FMN2: variants seen among roughly 807,000 people sequenced by gnomAD.
FMN2 encodes the protein formin 2, also known as formin-2.
A neutral mutation model predicts 142.3 loss-of-function variants in FMN2; 51 were observed. The observed-to-expected ratio is 0.36, with a 90% CI of 0.29 to 0.45. The LOEUF (loss-of-function observed/expected upper bound fraction) is 0.45. Ranked by LOEUF, FMN2 falls within the 20% of genes least tolerant of loss-of-function variation. FMN2 has a pLI of 1.00. For synonymous variants in FMN2, 882 were observed against 869.8 expected, an observed-to-expected ratio of 1.01 and a Z score of -0.25; for missense variants, 1,936 against 2,122.8, an observed-to-expected ratio of 0.91 and a Z score of 1.73.
chr1:240,278,098 A>T (rs933389090), intron 7 of FMN2, among the ~76,000 whole-genome samples: 1 of 152,172 alleles, frequency 6.6e-6, no homozygotes, highest in Non-Finnish European at 1.5e-5. Flanking sequence ...CCCGATTCCT[A>T]TTACACTGTG....
chr1:240,150,768 G>T (rs537633988), intron 2 of FMN2, among the ~76,000 whole-genome samples: 6 of 152,234 alleles, frequency 3.9e-5, no homozygotes, highest in Admixed American at 3.9e-4. Context: ...TTTATAAAGA[G>T]ACTGGCCATA....
chr1:240,450,255 A>C (rs1254487971), intron 16 of FMN2, among the ~76,000 whole-genome samples: 3 of 152,210 alleles, frequency 2.0e-5, no homozygotes, highest in African/African-American at 4.8e-5. Flanking sequence ...TTCTAATTAT[A>C]ACTATAATTT....
intron 16 of FMN2, among the ~76,000 whole-genome samples, chr1:240,463,226 G>A (rs1161935328): frequency 6.6e-6 from 1 of 152,158 alleles, no homozygotes; most frequent in African/African-American, 2.4e-5. Context: ...GACGTGAGAA[G>A]GCTTGAAAAA....
In FMN2 at chr1:240,446,887, G is replaced by A. The variant is rs998229711; in HGVS notation, c.5060+8677G>A. ...CCACATTCACACACTCCTCCTGCTCGACTTTAGGATTTCAGCTTCACACAC... is the reference window on the plus strand; with the variant it reads ...CCACATTCACACACTCCTCCTGCTCAACTTTAGGATTTCAGCTTCACACAC... On this transcript the variant is annotated intron_variant, in intron 16 of 17. Transcript: ENST00000319653. 5.3e-5 allele frequency among the ~76,000 whole-genome samples: 8 copies of A among 152,130 alleles called. No homozygotes were observed. The South Asian group carries it at 1.2e-3, about 24-fold the overall frequency.
chr1:240,133,667 A>C (rs1662828350), intron 2 of FMN2, among the ~76,000 whole-genome samples: 2 of 151,780 alleles, frequency 1.3e-5, no homozygotes, highest in Admixed American at 6.6e-5. Flanking sequence ...CTCTGTGGGC[A>C]CCTCTACTTC....
intron 13 of FMN2, among the ~76,000 whole-genome samples, chr1:240,351,637 C>T (rs893572230): frequency 6.6e-6 from 1 of 152,138 alleles, no homozygotes; most frequent in African/African-American, 2.4e-5. Context: ...TTATAGCATG[C>T]ATTTTCTTAT....
Position 240,206,959 on chromosome 1 carries a change from C to T in FMN2, c.2147C>T (p.Thr716Ile). 1 of 1,614,158 alleles carries T rather than the reference C, an allele frequency of 6.2e-7. No homozygotes were observed. The highest frequency in any genetic ancestry group is 8.5e-7 in the Non-Finnish European group (1 of 1,180,026). The change falls in exon 5 of 18, where the codon ACA becomes ATA. Residue 716 changes from threonine to isoleucine, a missense_variant. Physicochemically the swap from Thr to Ile is moderately conservative, Grantham distance 89. Transcript: ENST00000319653. ...CATCAAGGGCTTGAGAATGGAGTGACAGCCTCAGGCGATGTCTGTCTCGAA... is the reference window on the plus strand; with the variant it reads ...CATCAAGGGCTTGAGAATGGAGTGATAGCCTCAGGCGATGTCTGTCTCGAA... ...SGHQGLENGV[T>I]ASGDVCLEAL...
At chr1:240,167,461 G>GATGTAAAAA (rs1664526114) in intron 2 of FMN2, among the ~76,000 whole-genome samples, 1 of 152,088 alleles carries the variant, frequency 6.6e-6, no homozygotes, top group Non-Finnish European at 1.5e-5. Context: ...TTGTAAACAT[G>GATGTAAAAA]TCAGAGATCT....
intron 15 of FMN2, among the ~76,000 whole-genome samples, chr1:240,427,568 T>A (rs547493335): frequency 2.0e-5 from 3 of 152,230 alleles, no homozygotes; most frequent in Non-Finnish European, 4.4e-5. Flanking sequence ...CCAACCATTA[T>A]AAGTAGATGA....
Position 240,092,501 on chromosome 1 carries a change from C to G in FMN2, c.392C>G (p.Ser131Trp), listed in dbSNP as rs1661017729. 1.2e-6 allele frequency: 2 copies of G among 1,606,924 alleles called. No homozygotes were observed. The highest frequency in any genetic ancestry group is 1.7e-6 in the Non-Finnish European group (2 of 1,176,898). The change falls in exon 1 of 18, where the codon TCG becomes TGG. Residue 131 changes from serine (S) to tryptophan (W), a missense_variant. Ser to Trp is a radical substitution (Grantham distance 177, BLOSUM62 -3). Around this residue, in one of 8 missense-constraint regions of FMN2, gnomAD observed 751 missense variants for 791.8 expected, o/e 0.95. Coordinates refer to ENST00000319653, the MANE Select transcript of FMN2 (RefSeq NM_020066.5). The stretch of plus-strand genomic sequence containing the variant: ...CTCTCGGCGGACGAGGCCGGCCTGT[C>G]GGATACCGAGTGTGCGGACCCTTTT... The part of the protein sequence containing the change: ...LSLSADEAGL[S>W]DTECADPFEV...
At chr1:240,122,359 C>T (rs895010290) in intron 1 of FMN2, among the ~76,000 whole-genome samples, 2 of 152,054 alleles carry the variant, frequency 1.3e-5, no homozygotes, top group Non-Finnish European at 2.9e-5. Context: ...CGCCACCCAG[C>T]TTCAAGCTCC....
rs201302496 is a variant in FMN2, at chr1:240,207,938, C to T, written c.3126C>T (p.Pro1042=). The change falls in exon 5 of 18, where the codon CCC becomes CCT. Residue 1042 remains proline, a synonymous_variant. Coordinates refer to ENST00000319653, the MANE Select transcript of FMN2 (RefSeq NM_020066.5). ...CCCCACTTCCCGGAGCGGGCATACC[C>T]CCTCCGCCCCCACTTCCCGGAGCGG... ...PPPPLPGAGI[P]PPPPLPGAGI... The T allele has an allele frequency of 1.0e-5, 6 of 597,796 alleles. No individual in the cohort carries two copies. Among genetic ancestry groups the T allele is most frequent in the South Asian group, 2.4e-5 (1 of 42,368 alleles). The allele number at this position is 597,796 out of a possible 1,614,324, so 37.0% of individuals were successfully genotyped here. A position where few individuals can be genotyped will look rare whatever the true frequency, so the allele number is the denominator to read the frequency against.
chr1:240,451,275 C>G (rs539539206), intron 16 of FMN2, among the ~76,000 whole-genome samples: 1 of 151,002 alleles, frequency 6.6e-6, no homozygotes, highest in Non-Finnish European at 1.5e-5. Flanking sequence ...AGGGGAATCA[C>G]TTGAACCTGG....
intron 2 of FMN2, among the ~76,000 whole-genome samples, chr1:240,159,155 C>T (rs1021204630): frequency 6.6e-6 from 1 of 151,446 alleles, no homozygotes; most frequent in African/African-American, 2.4e-5. Context: ...GTTTGCTTGT[C>T]CAACTGCTAC....
At chr1:240,143,446 A>G (rs768568616) in intron 2 of FMN2, 39 of 1,471,292 alleles carry the variant, frequency 2.7e-5, no homozygotes, top group Non-Finnish European at 3.6e-5. Context: ...ATGTGCTCCC[A>G]TGTCAGCAGG....
chr1:240,093,570 G>A lies in FMN2; in HGVS notation c.1461G>A (p.Glu487=). 1 of 1,469,016 alleles carries A rather than the reference G, an allele frequency of 6.8e-7. No individual in the cohort carries two copies. The highest frequency in any genetic ancestry group is 1.4e-5 in the South Asian group (1 of 69,316). The allele number at this position is 1,469,016 out of a possible 1,614,324, so 91.0% of individuals were successfully genotyped here. Residue 487 remains glutamate, a synonymous_variant, in exon 1 of 18, where the codon GAG becomes GAA. Transcript: ENST00000319653. ...AGLSRSADWT[E]ELGARTPRVG... is the part of the protein sequence containing the mutation. ...TGAGCCGCTCGGCTGACTGGACGGA[G>A]GAGCTAGGCGCCCGCACGCCCCGGG...
intron 6 of FMN2, among the ~76,000 whole-genome samples, chr1:240,228,020 A>G (rs1490337160): frequency 1.3e-5 from 2 of 151,982 alleles, no homozygotes; most frequent in Non-Finnish European, 2.9e-5. Flanking sequence ...CAAAATGGGC[A>G]AGGCCGAGCG....
At chr1:240,409,252 C>T (rs1343512618) in intron 15 of FMN2, among the ~76,000 whole-genome samples, 1 of 152,116 alleles carries the variant, frequency 6.6e-6, no homozygotes, top group Non-Finnish European at 1.5e-5. Context: ...AAGCGATTCT[C>T]CTGCCTCAGC....
intron 2 of FMN2, chr1:240,144,850 A>G (rs1030036477): frequency 6.9e-7 from 1 of 1,440,198 alleles, no homozygotes; most frequent in South Asian, 1.1e-5. Flanking sequence ...CCTTCTTTGC[A>G]TCATCCAGCT....
Sources: allele counts gnomAD v4.1 joint callset (sites outside exome capture counted in the v4.1 genomes callset), GRCh38; gene constraint gnomAD v4.1.1; regional missense constraint gnomAD v4.1.1; transcripts MANE v1.5; gene names NCBI Gene and HGNC (gene_info 2026-07-23, HGNC 2026-07-21).